The following ZNF37A variants were observed in gnomAD, a reference collection of about 807,000 sequenced individuals.
ZNF37A encodes zinc finger protein 37A.
Under a neutral mutation model 12.3 loss-of-function variants are expected in ZNF37A, and 10 were observed. That is an observed-to-expected ratio of 0.82 (90% CI 0.50 to 1.38). The LOEUF is 1.38. Among genes scored for constraint, ZNF37A ranks in the 40% most tolerant of loss-of-function variants. The pLI, the probability that ZNF37A is intolerant of heterozygous loss-of-function variation, is 0.00. For missense variants in ZNF37A, 580 were observed against 651.2 expected, an observed-to-expected ratio of 0.89 and a Z score of 1.19; for synonymous variants, 207 against 223.0, an observed-to-expected ratio of 0.93 and a Z score of 0.64.
rs977716281 is a variant in ZNF37A at position 38,119,564 on chromosome 10, A to C, written c.*727A>C. ...TGAGTTGCAGGATATCTAGCAATTT[A>C]AGAAAATGTGGAAAAAATATTTTTA... On this transcript the variant is annotated 3_prime_UTR_variant, in exon 8 of 8. Transcript: ENST00000685332. 2 of 257,282 alleles carry C rather than the reference A, an allele frequency of 7.8e-6. No homozygotes were observed. Among genetic ancestry groups the C allele is most frequent in the African/African-American group, 4.6e-5 (2 of 43,310 alleles). The allele number at this position is 257,282 out of a possible 1,614,324, so 15.9% of individuals were successfully genotyped here.
In ZNF37A at chr10:38,094,430, C is replaced by G. The variant is rs955011829; in HGVS notation, c.-552C>G. The stretch of plus-strand genomic sequence containing the variant: ...TATGGCTCCAGGTTTGTTTTTCTCC[C>G]CGGCACTCTGACGGGGAGGGCTCCC... On this transcript the variant is annotated 5_prime_UTR_variant, in exon 1 of 8. Transcript: ENST00000685332. 1 of 152,200 alleles carries G rather than the reference C, an allele frequency of 6.6e-6. No homozygotes were observed. Among genetic ancestry groups the G allele is most frequent in the Non-Finnish European group, 1.5e-5 (1 of 68,090 alleles). The allele number at this position is 152,200 out of a possible 1,614,324, so 9.4% of individuals were successfully genotyped here.
chr10:38,102,519 C>T (rs2067678501), intron 5 of ZNF37A, among the ~76,000 whole-genome samples: 1 of 152,106 alleles, frequency 6.6e-6, no homozygotes, highest in African/African-American at 2.4e-5. Flanking sequence ...GTGCACATTA[C>T]ATAGATGCAT....
chr10:38,115,450 A>T, intron 7 of ZNF37A, 160 bp downstream of exon 7: 1 of 992,208 alleles, frequency 1.0e-6, no homozygotes, highest in East Asian at 2.8e-5. Flanking sequence ...AGTGACTCTG[A>T]ATCACCCAGC....
At chr10:38,146,306 C>T (rs1290095442) in intron 7 of ZNF37A, among the ~76,000 whole-genome samples, 3 of 152,184 alleles carry the variant, frequency 2.0e-5, no homozygotes, top group South Asian at 2.1e-4. Context: ...GACGGAGTTT[C>T]GCTCTTGTTG....
chr10:38,130,408 G>A (rs970533602), downstream of ZNF37A, among the ~76,000 whole-genome samples: 2 of 152,010 alleles, frequency 1.3e-5, no homozygotes, highest in African/African-American at 4.8e-5. Context: ...AGAATTGCTG[G>A]GTTACATGGC....
chr10:38,112,920 G>T (rs1373934145), intron 5 of ZNF37A, among the ~76,000 whole-genome samples: 1 of 151,936 alleles, frequency 6.6e-6, no homozygotes, highest in Non-Finnish European at 1.5e-5. Flanking sequence ...TGATTCTCCT[G>T]TCTCAGCCTC....
intron 5 of ZNF37A, among the ~76,000 whole-genome samples, chr10:38,106,387 G>A (rs2505191): frequency 0.41 from 62,555 of 151,994 alleles, 13,066 homozygotes; most frequent in East Asian, 0.5. Context: ...CGAAGATGGG[G>A]AGAAACCAGC....
At chr10:38,096,874 C>T (rs41306332) in intron 5 of ZNF37A, among the ~76,000 whole-genome samples, 5,604 of 152,116 alleles carry the variant, frequency 0.037, 173 homozygotes, top group Non-Finnish European at 0.048. Flanking sequence ...ATTCAGATTT[C>T]ATTATATATA....
At position 38,118,773 on chromosome 10, in the gene ZNF37A, A is replaced by G; in HGVS notation, c.1622A>G (p.His541Arg). ...TATGTTAAGTCAAAACTAACTGTACATCAGAGAATACACTTGGGGAGAAAC... is the reference window on the plus strand; with the variant it reads ...TATGTTAAGTCAAAACTAACTGTACGTCAGAGAATACACTTGGGGAGAAAC... ...SFYVKSKLTV[H>R]QRIHLGRNPI... Residue 541 changes from histidine (H) to arginine (R), a missense_variant, in exon 8 of 8, where the codon CAT (histidine) becomes CGT (arginine). Transcript: ENST00000685332. 1.2e-6 allele frequency: 2 copies of G among 1,611,352 alleles called. No individual in the cohort carries two copies. Among genetic ancestry groups the G allele is most frequent in the Non-Finnish European group, 1.7e-6 (2 of 1,178,810 alleles).
At chr10:38,113,758 T>G in intron 5 of ZNF37A, among the ~76,000 whole-genome samples, 1 of 152,202 alleles carries the variant, frequency 6.6e-6, no homozygotes, top group East Asian at 1.9e-4. Flanking sequence ...AACTCTACTT[T>G]GGTGGCATTG....
At position 38,096,631 on chromosome 10, in the gene ZNF37A, A is replaced by G. The variant is rs1439595811; in HGVS notation, c.14A>G (p.Gln5Arg). The change falls in exon 5 of 8, where the codon CAG becomes CGG. Residue 5 changes from glutamine to arginine, a missense_variant and splice_region_variant. Gln to Arg is a conservative substitution (Grantham distance 43, BLOSUM62 1). Coordinates refer to ENST00000685332, the MANE Select transcript of ZNF37A (RefSeq NM_001324250.3). The stretch of plus-strand genomic sequence containing the variant: ...CACCAGTGGAAGATGATCACATCCC[A>G]GGTAAGTTGTTTATTTTTTCACCGT... MITS[Q>R]GSVSFRDVTV... 1 of 1,612,932 alleles carries G rather than the reference A, an allele frequency of 6.2e-7. No homozygotes were observed. The highest frequency in any genetic ancestry group is 1.7e-5 in the Admixed American group (1 of 59,792).
At chr10:38,097,923 AACATAGT>A (rs780501813) in intron 5 of ZNF37A, among the ~76,000 whole-genome samples, 1 of 152,222 alleles carries the variant, frequency 6.6e-6, no homozygotes, top group Non-Finnish European at 1.5e-5. Context: ...ACCAAAAGGA[AACATAGT>A]ACCCTTAATA....
chr10:38,135,314 G>A lies in ZNF37A; in HGVS notation c.239-11418G>A, dbSNP rs540539655. Among the ~76,000 whole-genome samples the A allele has an allele frequency of 8.1e-4, 124 of 152,336 alleles. No homozygotes were observed. In the Middle Eastern group the frequency reaches 0.01, roughly 13 times the overall value. On this transcript the variant is annotated intron_variant, in intron 7 of 7. Transcript: ENST00000638053. ...GCAGGAGAATCGCCTGAAACTGGGA[G>A]GCGGAGGTTGCAGTGAGCTGAGATC...
intron 5 of ZNF37A, among the ~76,000 whole-genome samples, 170 bp from the exon 6 acceptor site, chr10:38,114,585 A>G (rs1304751787): frequency 1.3e-5 from 2 of 152,092 alleles, no homozygotes; most frequent in Non-Finnish European, 2.9e-5. Context: ...TTCTACTATG[A>G]TTTTTTACTC....
At chr10:38,131,939 T>C (rs2070033042) in intron 7 of ZNF37A, among the ~76,000 whole-genome samples, 1 of 152,162 alleles carries the variant, frequency 6.6e-6, no homozygotes, top group African/African-American at 2.4e-5. Flanking sequence ...GGATTTTTCG[T>C]CAATGGTATA....
intron 7 of ZNF37A, chr10:38,140,655 G>T (rs1327201667): frequency 6.6e-6 from 1 of 152,210 alleles, no homozygotes; most frequent in African/African-American, 2.4e-5. Context: ...ACTATTGCTT[G>T]TTCTGTCTGC....
At chr10:38,104,127 A>G (rs2067827126) in intron 5 of ZNF37A, among the ~76,000 whole-genome samples, 2 of 151,908 alleles carry the variant, frequency 1.3e-5, no homozygotes, top group South Asian at 4.2e-4. Flanking sequence ...TTTCCTTCCC[A>G]GTTTTTACAT....
intron 5 of ZNF37A, among the ~76,000 whole-genome samples, chr10:38,098,585 G>A (rs1271911827): frequency 2.0e-5 from 3 of 151,884 alleles, no homozygotes; most frequent in Non-Finnish European, 4.4e-5. Flanking sequence ...TTTCCCCTAG[G>A]TCTTCTTTCC....
intron 5 of ZNF37A, among the ~76,000 whole-genome samples, chr10:38,109,141 A>C (rs2068408040): frequency 1.3e-5 from 2 of 152,216 alleles, no homozygotes; most frequent in South Asian, 4.1e-4. Flanking sequence ...CACCATGCTC[A>C]AGTCAGCTTC....
Sources: gnomAD v4.1 joint callset for allele counts (sites outside exome capture counted in the v4.1 genomes callset) on GRCh38, gnomAD v4.1.1 for gene constraint, MANE v1.5 for transcripts, NCBI Gene and HGNC (gene_info 2026-07-23, HGNC 2026-07-21) for gene names.